ARAP2: variants seen among roughly 807,000 people sequenced by gnomAD.
The protein encoded by ARAP2 is ArfGAP with RhoGAP domain, ankyrin repeat and PH domain 2.
ARAP2 carries 148 observed loss-of-function variants against 194.5 expected under a neutral mutation model. The ratio of observed to expected loss-of-function variants is 0.76; its 90% CI spans 0.67 to 0.87. The LOEUF is 0.87. Among genes scored for constraint, ARAP2 ranks in the 40% least tolerant of loss-of-function variants. The pLI is 0.00. For missense variants in ARAP2, 2,128 were observed against 1,989.7 expected (o/e 1.07, Z -1.32); for synonymous variants, 695 against 683.5 (o/e 1.02, Z -0.26).
At chr4:36,154,121 T>C (rs78319175) in intron 15 of ARAP2, among the ~76,000 whole-genome samples, 1,630 of 152,286 alleles carry the variant, frequency 0.011, 22 homozygotes, top group African/African-American at 0.037. Flanking sequence ...TTGAACTATA[T>C]ACATTCAACT....
intron 28 of ARAP2, among the ~76,000 whole-genome samples, chr4:36,089,144 C>T (rs767393122): frequency 1.3e-5 from 2 of 152,066 alleles, no homozygotes; most frequent in African/African-American, 4.8e-5. Context: ...AACTCTGTCC[C>T]CAACCTAAGC....
intron 6 of ARAP2, among the ~76,000 whole-genome samples, chr4:36,208,438 T>C (rs910379474): frequency 6.6e-6 from 1 of 152,208 alleles, no homozygotes; most frequent in Admixed American, 6.5e-5. Context: ...GCTTAAAATA[T>C]TTACTACTTG....
chr4:36,142,534 C>T (rs1332357060), intron 19 of ARAP2, among the ~76,000 whole-genome samples: 1 of 151,474 alleles, frequency 6.6e-6, no homozygotes, highest in African/African-American at 2.4e-5. Flanking sequence ...TGCTCTCCCC[C>T]AAGTCACCAG....
rs570653873 is a variant in ARAP2, at chr4:36,156,622, T to A, written c.2752+2108A>T. 1.9e-3 allele frequency among the ~76,000 whole-genome samples: 290 copies of A among 152,204 alleles called. 3 individuals carry two copies. Among genetic ancestry groups the A allele is most frequent in the African/African-American group, 6.6e-3 (273 of 41,540 alleles). On this transcript the variant is annotated intron_variant, in intron 15 of 32. Coordinates refer to ENST00000303965, the MANE Select transcript of ARAP2 (RefSeq NM_015230.4). ...ATTAAGGAAGGCACTGCAGCACAGGTAGGTCAGGATGGTGACTGTGGCTGG... is the reference window on the plus strand; with the variant it reads ...ATTAAGGAAGGCACTGCAGCACAGGAAGGTCAGGATGGTGACTGTGGCTGG...
intron 32 of ARAP2, among the ~76,000 whole-genome samples, chr4:36,070,411 G>T (rs1375559535): frequency 2.6e-5 from 4 of 152,202 alleles, no homozygotes; most frequent in African/African-American, 9.6e-5. Context: ...TCTGAAAGTG[G>T]AAGAGCAAGA....
chr4:36,222,799 C>T (rs939582270), intron 2 of ARAP2, among the ~76,000 whole-genome samples: 21 of 151,884 alleles, frequency 1.4e-4, no homozygotes, highest in African/African-American at 5.1e-4. Flanking sequence ...TGAAATTTTC[C>T]AATTTATAAA....
chr4:36,176,431 G>A (rs1235497037), intron 9 of ARAP2, among the ~76,000 whole-genome samples: 1 of 151,984 alleles, frequency 6.6e-6, no homozygotes, highest in Admixed American at 6.6e-5. Flanking sequence ...CTTATTCCTA[G>A]AGAATAACAG....
chr4:36,136,822 T>TGTGTGC (rs1370034530), intron 19 of ARAP2, among the ~76,000 whole-genome samples: 2 of 147,396 alleles, frequency 1.4e-5, no homozygotes, highest in African/African-American at 5.0e-5. Context: ...TGTGTGTGCG[T>TGTGTGC]GTCTGTGTAT....
intron 28 of ARAP2, among the ~76,000 whole-genome samples, chr4:36,089,748 C>G (rs1878825): frequency 0.31 from 46,772 of 151,844 alleles, 8,518 homozygotes; most frequent in East Asian, 0.5. Context: ...CATGTAATGT[C>G]TGTTCTATCC....
At chr4:36,192,286 G>A (rs1742107251) in intron 7 of ARAP2, among the ~76,000 whole-genome samples, 2 of 144,320 alleles carry the variant, frequency 1.4e-5, no homozygotes, top group South Asian at 4.4e-4. Context: ...TAAATGATTT[G>A]CAATATCTCA....
chr4:36,198,541 G>A (rs1743663386), intron 6 of ARAP2, among the ~76,000 whole-genome samples: 1 of 152,230 alleles, frequency 6.6e-6, no homozygotes, highest in African/African-American at 2.4e-5. Flanking sequence ...GGCCAGTGCT[G>A]AGTTGACCTC....
In ARAP2 at chr4:36,066,135, CAA is replaced by C. The variant is rs925684547; in HGVS notation, c.*1770_*1771del. The C allele has an allele frequency of 5.3e-5, 8 of 152,116 alleles. No individual in the cohort carries two copies. Among genetic ancestry groups the C allele is most frequent in the Admixed American group, 4.6e-4 (7 of 15,276 alleles). 9.4% of individuals were successfully genotyped at this position (152,116 alleles called of 1,614,324 possible). A position where few individuals can be genotyped will look rare whatever the true frequency, so the allele number is the denominator to read the frequency against. On this transcript the variant is annotated 3_prime_UTR_variant, in exon 33 of 33. Coordinates refer to ENST00000303965, the MANE Select transcript of ARAP2 (RefSeq NM_015230.4). ...GGAAACAGCTATTAGAGTTTAAGCT[CAA>C]GTTTCAAGAAGAATTCAGATAAGGC...
In ARAP2 at chr4:36,159,385, T is replaced by G. The variant is rs771978634; in HGVS notation, c.2563A>C (p.Lys855Gln). 5 of 1,610,368 alleles carry G rather than the reference T, an allele frequency of 3.1e-6. No individual in the cohort carries two copies. In the African/African-American group the frequency reaches 6.7e-5, roughly 22 times the overall value. ...ATTTGCAGACTTTGCCCAGCTTTCT[T>G]GGCTAGCAGATAGGGGGTGCTATGC... ...PVHSTPYLLA[K>Q]KAGQSLQMEF... The change falls in exon 14 of 33, where the codon AAG becomes CAG. Residue 855 changes from lysine to glutamine, a missense_variant. Transcript: ENST00000303965.
chr4:36,099,276 A>AT (rs1716205556), intron 27 of ARAP2, among the ~76,000 whole-genome samples: 1 of 152,034 alleles, frequency 6.6e-6, no homozygotes, highest in Non-Finnish European at 1.5e-5. Flanking sequence ...GTGTATATGT[A>AT]CCACATTTTC....
chr4:36,026,258 A>G lies in ARAP2; in HGVS notation n.608-6972T>C, dbSNP rs1259787577. ...TTATCCAATGCCTGGCGAATTCCTA[A>G]CTGTCAGACACCTTAGAAATTGGCA... is the stretch of plus-strand genomic sequence containing the variant. On this transcript the variant is annotated intron_variant and non_coding_transcript_variant, in intron 5 of 12. Transcript: ENST00000503225. Among the ~76,000 whole-genome samples the G allele has an allele frequency of 2.6e-5, 4 of 152,202 alleles. No individual in the cohort carries two copies. The East Asian group carries it at 7.7e-4, about 29-fold the overall frequency.
chr4:36,216,154 G>GTTGA (rs1747897938), intron 2 of ARAP2, among the ~76,000 whole-genome samples: 1 of 151,946 alleles, frequency 6.6e-6, no homozygotes, highest in Non-Finnish European at 1.5e-5. Flanking sequence ...TATTTGGGAG[G>GTTGA]CTGAGGTGGG....
At chr4:36,138,939 C>T (rs1047878276) in intron 19 of ARAP2, among the ~76,000 whole-genome samples, 2 of 151,748 alleles carry the variant, frequency 1.3e-5, no homozygotes, top group African/African-American at 2.4e-5. Flanking sequence ...CTTAACTTTA[C>T]ATGTGCTTGT....
At chr4:36,121,036 T>A (rs1223322262) in intron 23 of ARAP2, 143 bp downstream of exon 23, 1 of 622,312 alleles carries the variant, frequency 1.6e-6, no homozygotes, top group African/African-American at 1.9e-5. Context: ...TATCTATAAT[T>A]TAAAAAAATA....
intron 27 of ARAP2, among the ~76,000 whole-genome samples, chr4:36,096,790 A>C (rs1393359716): frequency 6.6e-6 from 1 of 152,184 alleles, no homozygotes; most frequent in East Asian, 1.9e-4. Flanking sequence ...TCCACAGAGA[A>C]ATATTGTAAA....
Sources: gnomAD v4.1 joint callset for allele counts (sites outside exome capture counted in the v4.1 genomes callset) on GRCh38, gnomAD v4.1.1 for gene constraint, MANE v1.5 for transcripts, NCBI Gene and HGNC (gene_info 2026-07-23, HGNC 2026-07-21) for gene names.